The following EYS variants were observed in gnomAD, a reference collection of about 807,000 sequenced individuals.
The protein encoded by EYS is protein eyes shut homolog.
In EYS, 250 loss-of-function variants were observed where a neutral mutation model predicts 282.1. The observed-to-expected ratio is 0.89, with a 90% CI of 0.80 to 0.98. EYS has a LOEUF of 0.98. Among genes scored for constraint, EYS ranks in the 50% least tolerant of loss-of-function variants. The probability of loss-of-function intolerance (pLI) is 0.00; values close to 1 mark genes in which losing one functional copy is unlikely to be tolerated. For missense variants in EYS, 4,016 were observed against 3,709.0 expected (o/e 1.08, Z -2.15); for synonymous variants, 1,355 against 1,282.9 (o/e 1.06, Z -1.20).
intron 22 of EYS, among the ~76,000 whole-genome samples, chr6:64,759,030 T>A (rs1254278007): frequency 6.6e-6 from 1 of 152,056 alleles, no homozygotes; most frequent in Admixed American, 6.6e-5. Flanking sequence ...TCCCAGCTAC[T>A]CGGGAGGCTG....
chr6:64,491,100 T>C (rs1776726707), intron 26 of EYS, among the ~76,000 whole-genome samples: 1 of 150,884 alleles, frequency 6.6e-6, no homozygotes, highest in South Asian at 2.1e-4. Context: ...ATGGGGTGGA[T>C]AATAATAAGA....
chr6:65,331,172 G>A (rs1769784043), intron 11 of EYS: 1 of 862,934 alleles, frequency 1.2e-6, no homozygotes, highest in Admixed American at 6.3e-5. Context: ...ATGATAATTA[G>A]TTTCTAAAAT....
chr6:64,402,587 C>T (rs527743293), intron 28 of EYS, among the ~76,000 whole-genome samples: 6 of 152,286 alleles, frequency 3.9e-5, no homozygotes, highest in South Asian at 2.1e-4. Context: ...TCAGATCATT[C>T]GTTTGCCCAT....
At position 64,497,964 on chromosome 6, in the gene EYS, A is replaced by C. The variant is rs1178341440; in HGVS notation, c.5645-58612T>G. Reference sequence around the variant, plus strand: ...AAGAGTCTGGGTATAGATGGAGTGAAAGGTAAGGAAAACCAAACACACCAA... The same window carrying C: ...AAGAGTCTGGGTATAGATGGAGTGACAGGTAAGGAAAACCAAACACACCAA... On this transcript the variant is annotated intron_variant, in intron 26 of 42. Coordinates refer to ENST00000503581, the MANE Select transcript of EYS (RefSeq NM_001142800.2). 2.0e-5 allele frequency among the ~76,000 whole-genome samples: 3 copies of C among 152,098 alleles called. No homozygotes were observed. In the East Asian group the frequency reaches 5.8e-4, roughly 29 times the overall value.
At chr6:65,189,708 A>G (rs1020685867) in intron 12 of EYS, among the ~76,000 whole-genome samples, 6 of 151,874 alleles carry the variant, frequency 4.0e-5, no homozygotes, top group African/African-American at 1.4e-4. Flanking sequence ...GTTAGTTGTC[A>G]TCACTTAATG....
intron 1 of EYS, among the ~76,000 whole-genome samples, chr6:65,690,140 G>C (rs1769187551): frequency 6.7e-6 from 1 of 150,088 alleles, no homozygotes; most frequent in South Asian, 2.1e-4. Context: ...TATAGTGTGT[G>C]CATCAGTAAT....
intron 32 of EYS, among the ~76,000 whole-genome samples, chr6:64,081,107 A>G (rs888440140): frequency 1.3e-5 from 2 of 152,130 alleles, no homozygotes; most frequent in Non-Finnish European, 2.9e-5. Context: ...GTCATTGGTG[A>G]CTTTATGGGG....
intron 12 of EYS, among the ~76,000 whole-genome samples, chr6:65,225,486 C>A (rs1035688840): frequency 6.6e-6 from 1 of 151,432 alleles, no homozygotes; most frequent in Non-Finnish European, 1.5e-5. Context: ...GAGGTCGAGG[C>A]GGGCAGATCA....
intron 26 of EYS, among the ~76,000 whole-genome samples, chr6:64,529,215 A>G (rs995785300): frequency 7.9e-5 from 12 of 152,044 alleles, no homozygotes; most frequent in Non-Finnish European, 1.5e-4. Context: ...ACATCATTCA[A>G]TGGCCTGGCC....
chr6:65,445,917 T>C (rs1435709173), intron 5 of EYS, among the ~76,000 whole-genome samples: 1 of 151,772 alleles, frequency 6.6e-6, no homozygotes, highest in Non-Finnish European at 1.5e-5. Flanking sequence ...AATTTCCCAA[T>C]TAGCTTATAA....
At chr6:64,686,858 TATATATATAC>T (rs1770153421) in intron 22 of EYS, among the ~76,000 whole-genome samples, 1 of 13,466 alleles carries the variant, frequency 7.4e-5, no homozygotes, top group Non-Finnish European at 2.1e-4. Flanking sequence ...TATATATGTG[TATATATATAC>T]GTGTATATAT....
At chr6:64,542,297 A>G (rs1296787383) in intron 26 of EYS, among the ~76,000 whole-genome samples, 1 of 152,206 alleles carries the variant, frequency 6.6e-6, no homozygotes. Flanking sequence ...ATCTAACAAA[A>G]TGTACCTGAG....
intron 12 of EYS, among the ~76,000 whole-genome samples, chr6:65,222,243 T>A (rs1488721923): frequency 6.6e-6 from 1 of 152,092 alleles, no homozygotes; most frequent in Admixed American, 6.6e-5. Flanking sequence ...ACTGATATGG[T>A]TTGGCTATGT....
At chr6:65,301,148 G>C (rs1049240156) in intron 11 of EYS, among the ~76,000 whole-genome samples, 4 of 152,060 alleles carry the variant, frequency 2.6e-5, no homozygotes, top group African/African-American at 9.7e-5. Flanking sequence ...CTGATGCTTT[G>C]CATTTTAAAT....
At chr6:64,684,934 ATAAT>A (rs1373461840) in intron 22 of EYS, among the ~76,000 whole-genome samples, 1 of 152,080 alleles carries the variant, frequency 6.6e-6, no homozygotes, top group Non-Finnish European at 1.5e-5. Flanking sequence ...ATCCAACCAT[ATAAT>A]TGTTATAATA....
At chr6:65,460,878 T>C (rs895961087) in intron 5 of EYS, among the ~76,000 whole-genome samples, 4 of 152,122 alleles carry the variant, frequency 2.6e-5, no homozygotes, top group African/African-American at 9.7e-5. Context: ...TTGGCATATA[T>C]GAATTTCTTA....
At chr6:64,487,060 A>T (rs537997922) in intron 26 of EYS, among the ~76,000 whole-genome samples, 3 of 151,274 alleles carry the variant, frequency 2.0e-5, no homozygotes, top group Non-Finnish European at 4.4e-5. Flanking sequence ...GTAAAAAGGA[A>T]TGCAAAGATA....
At chr6:65,494,087 A>T (rs1766141426) in intron 4 of EYS, among the ~76,000 whole-genome samples, 1 of 152,120 alleles carries the variant, frequency 6.6e-6, no homozygotes, top group South Asian at 2.1e-4. Context: ...TTAAGAATGG[A>T]TGTTGGGAAA....
intron 12 of EYS, among the ~76,000 whole-genome samples, chr6:65,183,312 C>T (rs1296287998): frequency 6.6e-6 from 1 of 151,900 alleles, no homozygotes; most frequent in Non-Finnish European, 1.5e-5. Context: ...CTCACTTAAA[C>T]ATTTTAAGCT....
Sources: gnomAD v4.1 joint callset for allele counts (sites outside exome capture counted in the v4.1 genomes callset) on GRCh38, gnomAD v4.1.1 for gene constraint, MANE v1.5 for transcripts, NCBI Gene and HGNC (gene_info 2026-07-23, HGNC 2026-07-21) for gene names.